The following GBE1 variants were observed in gnomAD, a reference collection of about 807,000 sequenced individuals.
GBE1 encodes 1,4-alpha-glucan branching enzyme 1, also known as 1,4-alpha-glucan-branching enzyme.
Under a neutral mutation model 88.8 loss-of-function variants are expected in GBE1, and 70 were observed. The ratio of observed to expected loss-of-function variants is 0.79; its 90% CI spans 0.65 to 0.96. The LOEUF is 0.96. Among genes scored for constraint, GBE1 ranks in the 40% least tolerant of loss-of-function variants. The pLI is 0.00. For synonymous variants in GBE1, 284 were observed against 300.1 expected (o/e 0.95, Z 0.56); for missense variants, 872 against 871.0 (o/e 1.00, Z -0.01).
intron 1 of GBE1, among the ~76,000 whole-genome samples, chr3:81,744,604 C>A (rs193141491): frequency 2.0e-5 from 3 of 152,284 alleles, no homozygotes; most frequent in Non-Finnish European, 2.9e-5. Flanking sequence ...AAACAGCCCA[C>A]TATCCCTTCC....
At chr3:81,617,105 G>T (rs200733068) in intron 7 of GBE1, among the ~76,000 whole-genome samples, 4 of 151,662 alleles carry the variant, frequency 2.6e-5, no homozygotes, top group East Asian at 1.9e-4. Context: ...TTCTGGAGGG[G>T]TTTGTTTAGA....
chr3:81,746,745 G>GA lies in GBE1; in HGVS notation c.143+14629dup, dbSNP rs545415597. Among the ~76,000 whole-genome samples the GA allele has an allele frequency of 4.6e-5, 7 of 151,996 alleles. 1 individual carries two copies. Among genetic ancestry groups the GA allele is most frequent in the African/African-American group, 1.4e-4 (6 of 41,492 alleles). ...AAATATGAAAATCAAAAACTGAAAA[G>GA]AAAAAACCTTAACATGAGGCACCTA... On this transcript the variant is annotated intron_variant, in intron 1 of 15. Transcript: ENST00000429644.
intron 2 of GBE1, among the ~76,000 whole-genome samples, chr3:81,702,100 A>AGTGTGT (rs753389984): frequency 7.9e-5 from 6 of 76,288 alleles, no homozygotes; most frequent in African/African-American, 1.4e-4. Context: ...AGAGAGAGAG[A>AGTGTGT]GAGTGTGTGT....
intron 1 of GBE1, among the ~76,000 whole-genome samples, chr3:81,709,737 A>T (rs571962305): frequency 8.5e-5 from 13 of 152,304 alleles, no homozygotes; most frequent in East Asian, 7.7e-4. Context: ...AAGTATCTTG[A>T]CTTCCCTCAA....
chr3:81,761,322 T>G, intron 1 of GBE1, 53 bp downstream of exon 1: 1 of 1,562,594 alleles, frequency 6.4e-7, no homozygotes, highest in South Asian at 1.2e-5. Context: ...CCGAGACGGC[T>G]CCTGGGAGGC....
At chr3:81,577,811 T>C in intron 12 of GBE1, 114 bp downstream of exon 12, 5 of 791,242 alleles carry the variant, frequency 6.3e-6, no homozygotes, top group African/African-American at 1.8e-5. Flanking sequence ...AAATAAATAG[T>C]TGTAATTTTA....
At chr3:81,579,242 T>C (rs1703688255) in intron 11 of GBE1, among the ~76,000 whole-genome samples, 1 of 152,174 alleles carries the variant, frequency 6.6e-6, no homozygotes, top group South Asian at 2.1e-4. Context: ...ACATTTTTAC[T>C]ATAAATTATA....
At chr3:81,747,935 A>AT (rs1490912448) in intron 1 of GBE1, among the ~76,000 whole-genome samples, 4 of 152,164 alleles carry the variant, frequency 2.6e-5, no homozygotes, top group Non-Finnish European at 5.9e-5. Flanking sequence ...AAACAGCTTT[A>AT]TTGCTCACAC....
intron 2 of GBE1, among the ~76,000 whole-genome samples, chr3:81,691,512 T>TA (rs1705521280): frequency 6.6e-6 from 1 of 152,172 alleles, no homozygotes; most frequent in East Asian, 1.9e-4. Context: ...CTCACACCTG[T>TA]AGCCCAAGAA....
intron 7 of GBE1, among the ~76,000 whole-genome samples, chr3:81,639,453 A>T (rs1236935245): frequency 5.3e-5 from 8 of 152,014 alleles, no homozygotes; most frequent in Admixed American, 2.6e-4. Flanking sequence ...CAATACATCT[A>T]TTTTGAATTT....
At chr3:81,744,217 G>A (rs1706391826) in intron 1 of GBE1, among the ~76,000 whole-genome samples, 1 of 152,076 alleles carries the variant, frequency 6.6e-6, no homozygotes, top group Non-Finnish European at 1.5e-5. Flanking sequence ...ACTGAGATGT[G>A]CTATAAGTGT....
At chr3:81,710,638 AAGGAATCAATGAAACAGC>A (rs1219783331) in intron 1 of GBE1, among the ~76,000 whole-genome samples, 1 of 152,062 alleles carries the variant, frequency 6.6e-6, no homozygotes, top group Non-Finnish European at 1.5e-5. Context: ...CATAGATTGT[AAGGAATCAATGAAACAGC>A]AGGAGCATTA....
intron 1 of GBE1, among the ~76,000 whole-genome samples, chr3:81,735,463 A>C (rs994145637): frequency 6.6e-6 from 1 of 152,164 alleles, no homozygotes; most frequent in African/African-American, 2.4e-5. Flanking sequence ...GCCAATTTCC[A>C]GGCTTGATGC....
chr3:81,608,181 T>C (rs1273499793), intron 7 of GBE1, among the ~76,000 whole-genome samples: 1 of 152,200 alleles, frequency 6.6e-6, no homozygotes, highest in Admixed American at 6.5e-5. Flanking sequence ...AACTTTCCTA[T>C]GCTAAACCAC....
chr3:81,564,703 C>T (rs541061212), intron 12 of GBE1, among the ~76,000 whole-genome samples: 19 of 152,170 alleles, frequency 1.2e-4, no homozygotes, highest in African/African-American at 4.1e-4. Flanking sequence ...TGAAAGCTAA[C>T]CTGGCAGGAG....
At position 81,516,397 on chromosome 3, in the gene GBE1, G is replaced by C. The variant is rs532992240; in HGVS notation, c.1935-17170C>G. Among the ~76,000 whole-genome samples the C allele has an allele frequency of 3.3e-5, 5 of 151,614 alleles. No homozygotes were observed. In the South Asian group the frequency reaches 6.2e-4, roughly 19 times the overall value. ...TTACTGAGCCTGTAAGCCCAAGCTT[G>C]AGACCTATTTCTCAGAAAAAAGATT... On this transcript the variant is annotated intron_variant, in intron 14 of 15. Transcript: ENST00000429644.
chr3:81,646,580 C>A (rs958301891), intron 5 of GBE1, 98 bp from the exon 6 acceptor site: 1 of 693,642 alleles, frequency 1.4e-6, no homozygotes, highest in South Asian at 1.9e-5. Flanking sequence ...TTAAAATTTA[C>A]AAACAATCTA....
intron 2 of GBE1, among the ~76,000 whole-genome samples, chr3:81,683,880 T>C (rs1576198611): frequency 6.6e-6 from 1 of 152,126 alleles, no homozygotes. Flanking sequence ...TATCAAATAA[T>C]ATACTCCCTT....
At chr3:81,572,186 T>C (rs1703585567) in intron 12 of GBE1, among the ~76,000 whole-genome samples, 1 of 152,162 alleles carries the variant, frequency 6.6e-6, no homozygotes, top group Non-Finnish European at 1.5e-5. Context: ...CCCCTTCACC[T>C]TCTGCCTTGA....
Sources: allele counts gnomAD v4.1 joint callset (sites outside exome capture counted in the v4.1 genomes callset), GRCh38; gene constraint gnomAD v4.1.1; transcripts MANE v1.5; gene names NCBI Gene and HGNC (gene_info 2026-07-23, HGNC 2026-07-21).